The following CNTNAP2 variants were observed in gnomAD, a reference collection of about 807,000 sequenced individuals.
CNTNAP2 encodes contactin-associated protein-like 2.
Under a neutral mutation model 155.2 loss-of-function variants are expected in CNTNAP2, and 98 were observed. The ratio of observed to expected loss-of-function variants is 0.63; its 90% confidence interval spans 0.54 to 0.75. CNTNAP2 has a LOEUF of 0.75. Ranked by LOEUF, CNTNAP2 falls within the 30% of genes least tolerant of loss-of-function variation. The pLI is 0.00. For missense variants in CNTNAP2, 1,727 were observed against 1,688.1 expected (o/e 1.02, Z -0.40); for synonymous variants, 651 against 631.2 (o/e 1.03, Z -0.47).
chr7:147,175,902 T>A (rs1002930948), intron 8 of CNTNAP2, among the ~76,000 whole-genome samples: 3 of 152,176 alleles, frequency 2.0e-5, no homozygotes, highest in Non-Finnish European at 4.4e-5. Flanking sequence ...ACTTCCCCCC[T>A]CTTTTCACCA....
intron 21 of CNTNAP2, among the ~76,000 whole-genome samples, chr7:148,275,597 C>T (rs1312641015): frequency 6.6e-6 from 1 of 152,192 alleles, no homozygotes; most frequent in African/African-American, 2.4e-5. Context: ...CTGGATAGCC[C>T]GAAATAGCCT....
intron 1 of CNTNAP2, among the ~76,000 whole-genome samples, chr7:146,298,240 A>T (rs1287610860): frequency 6.6e-6 from 1 of 152,162 alleles, no homozygotes; most frequent in Non-Finnish European, 1.5e-5. Context: ...TCTTGCTATT[A>T]TTGAGTTATT....
chr7:147,779,750 C>T (rs766648321), intron 13 of CNTNAP2, among the ~76,000 whole-genome samples: 28 of 152,022 alleles, frequency 1.8e-4, no homozygotes, highest in African/African-American at 5.3e-4. Context: ...AATGTGTCTG[C>T]GAAACTGCCT....
intron 16 of CNTNAP2, among the ~76,000 whole-genome samples, chr7:148,132,877 T>C (rs1198464347): frequency 6.6e-6 from 1 of 152,370 alleles, no homozygotes; most frequent in South Asian, 2.1e-4. Context: ...GAAACTTCTA[T>C]GAATTAGAGA....
chr7:147,148,756 A>T (rs1182447414), intron 8 of CNTNAP2, among the ~76,000 whole-genome samples: 1 of 152,006 alleles, frequency 6.6e-6, no homozygotes, highest in Non-Finnish European at 1.5e-5. Flanking sequence ...GGAGTTGTTT[A>T]TTCCTCCTGG....
intron 3 of CNTNAP2, among the ~76,000 whole-genome samples, chr7:146,940,299 G>T (rs1179532894): frequency 2.0e-5 from 3 of 151,822 alleles, no homozygotes; most frequent in Non-Finnish European, 4.4e-5. Context: ...TCTGCCTCCC[G>T]AGTTCTCTTG....
At chr7:147,216,476 T>C (rs976989043) in intron 8 of CNTNAP2, among the ~76,000 whole-genome samples, 6 of 151,942 alleles carry the variant, frequency 3.9e-5, no homozygotes, top group Non-Finnish European at 7.4e-5. Flanking sequence ...TTGTCAAAGA[T>C]GATTGTGGGT....
At chr7:146,431,362 A>C (rs1008006568) in intron 1 of CNTNAP2, among the ~76,000 whole-genome samples, 1 of 152,038 alleles carries the variant, frequency 6.6e-6, no homozygotes, top group African/African-American at 2.4e-5. Context: ...TTATTAAAGA[A>C]TATTTCCATT....
chr7:148,224,022 G>A (rs994813891), intron 19 of CNTNAP2, among the ~76,000 whole-genome samples: 3 of 151,758 alleles, frequency 2.0e-5, no homozygotes, highest in Non-Finnish European at 4.4e-5. Flanking sequence ...GGCTGTATGT[G>A]TTATAAGTGG....
At chr7:148,351,822 G>C (rs1185330294) in intron 21 of CNTNAP2, among the ~76,000 whole-genome samples, 2 of 151,014 alleles carry the variant, frequency 1.3e-5, no homozygotes, top group East Asian at 3.9e-4. Context: ...TCACTTAATA[G>C]CATGGGTGGA....
At chr7:146,949,339 C>T (rs1387471958) in intron 3 of CNTNAP2, among the ~76,000 whole-genome samples, 2 of 152,218 alleles carry the variant, frequency 1.3e-5, no homozygotes, top group African/African-American at 4.8e-5. Context: ...TTCCAGCAGT[C>T]TTATCCCCTG....
intron 1 of CNTNAP2, among the ~76,000 whole-genome samples, chr7:146,272,149 G>A (rs1800092241): frequency 6.6e-6 from 1 of 152,118 alleles, no homozygotes; most frequent in Non-Finnish European, 1.5e-5. Flanking sequence ...GAGGCCTCAG[G>A]ATCCTCACAA....
intron 1 of CNTNAP2, among the ~76,000 whole-genome samples, chr7:146,533,107 C>CAAAAAAAAAAAAAAAAAAAAAAAAAA (rs553035616): frequency 2.1e-5 from 1 of 47,836 alleles, no homozygotes; most frequent in African/African-American, 6.8e-5. Flanking sequence ...GACCCTGTCT[C>CAAAAAAAAAAAAAAAAAAAAAAAAAA]AAAAAAAAAA....
intron 12 of CNTNAP2, among the ~76,000 whole-genome samples, chr7:147,629,567 C>T (rs149595373): frequency 6.6e-6 from 1 of 151,824 alleles, no homozygotes; most frequent in Non-Finnish European, 1.5e-5. Context: ...CAAGATAGAC[C>T]ATATGATAGC....
At chr7:147,842,582 C>CTTTTTTT (rs1563108253) in intron 13 of CNTNAP2, among the ~76,000 whole-genome samples, 5 of 55,162 alleles carry the variant, frequency 9.1e-5, no homozygotes, top group East Asian at 6.0e-4. Flanking sequence ...TTACTTTTTA[C>CTTTTTTT]TTTTCTTTTT....
At chr7:147,500,015 A>G (rs1338814042) in intron 11 of CNTNAP2, among the ~76,000 whole-genome samples, 1 of 152,174 alleles carries the variant, frequency 6.6e-6, no homozygotes, top group East Asian at 1.9e-4. Context: ...ATTTAAATAT[A>G]TACTTAAGGT....
intron 1 of CNTNAP2, among the ~76,000 whole-genome samples, chr7:146,338,531 G>A (rs764527590): frequency 2.5e-4 from 38 of 152,130 alleles, no homozygotes; most frequent in Non-Finnish European, 5.0e-4. Context: ...TCTGGTGTGA[G>A]GTGAACAGCC....
At chr7:146,391,161 G>A (rs1003864915) in intron 1 of CNTNAP2, among the ~76,000 whole-genome samples, 1 of 148,234 alleles carries the variant, frequency 6.7e-6, no homozygotes, top group Admixed American at 6.8e-5. Context: ...AAATAGGCTG[G>A]GGATGTTTTA....
chr7:148,002,457 A>G (rs933342410), intron 15 of CNTNAP2, among the ~76,000 whole-genome samples: 9 of 152,212 alleles, frequency 5.9e-5, no homozygotes, highest in African/African-American at 2.2e-4. Flanking sequence ...ATAATTTTAA[A>G]GAGATTTGAA....
Sources: gnomAD v4.1 joint callset for allele counts (sites outside exome capture counted in the v4.1 genomes callset) on GRCh38, gnomAD v4.1.1 for gene constraint, MANE v1.5 for transcripts, NCBI Gene and HGNC (gene_info 2026-07-23, HGNC 2026-07-21) for gene names.